The following SPAG9 variants were observed in gnomAD, a reference collection of about 807,000 sequenced individuals.
SPAG9 encodes the protein C-Jun-amino-terminal kinase-interacting protein 4.
SPAG9 carries 35 observed loss-of-function variants against 166.5 expected under a neutral mutation model. The observed-to-expected ratio is 0.21, with a 90% CI of 0.16 to 0.28. The LOEUF (loss-of-function observed/expected upper bound fraction) is 0.28, where lower values mean the gene tolerates loss of function less well. Among genes scored for constraint, SPAG9 ranks in the 10% least tolerant of loss-of-function variants. The pLI is 1.00. For missense variants in SPAG9, 1,235 were observed against 1,603.3 expected (o/e 0.77, Z 3.92); for synonymous variants, 534 against 565.5 (o/e 0.94, Z 0.79).
At chr17:50,994,424 A>G (rs1164126372) in intron 18 of SPAG9, among the ~76,000 whole-genome samples, 1 of 152,122 alleles carries the variant, frequency 6.6e-6, no homozygotes, top group African/African-American at 2.4e-5. Flanking sequence ...ATAGACTAAT[A>G]CAACCACCTA....
chr17:51,095,950 T>TATATAGTGATATAC (rs1220079016), intron 1 of SPAG9, among the ~76,000 whole-genome samples: 8 of 114,498 alleles, frequency 7.0e-5, no homozygotes, highest in African/African-American at 4.2e-4. Context: ...TATAGTTATA[T>TATATAGTGATATAC]ATATAGTGAT....
chr17:51,043,644 C>T (rs2144416840), intron 4 of SPAG9, among the ~76,000 whole-genome samples: 1 of 152,226 alleles, frequency 6.6e-6, no homozygotes, highest in East Asian at 1.9e-4. Context: ...CTAAGAGCTA[C>T]TAGCTGACTT....
At chr17:50,995,030 A>G in intron 18 of SPAG9, 27 bp downstream of exon 18, 1 of 1,570,696 alleles carries the variant, frequency 6.4e-7, no homozygotes, top group Admixed American at 1.8e-5. Context: ...CTCATAAACC[A>G]GGTCAAATGT....
At chr17:51,066,617 G>T (rs1422803198) in intron 2 of SPAG9, among the ~76,000 whole-genome samples, 3 of 149,298 alleles carry the variant, frequency 2.0e-5, no homozygotes, top group Non-Finnish European at 4.4e-5. Flanking sequence ...AGCACTTTGG[G>T]AGGCCAAGGT....
Position 51,037,617 on chromosome 17 carries a change from A to T in SPAG9, c.741+3884T>A, listed in dbSNP as rs1361827886. Among the ~76,000 whole-genome samples the T allele has an allele frequency of 1.2e-3, 151 of 124,110 alleles. 2 individuals are homozygous for T. Among genetic ancestry groups the T allele is most frequent in the Middle Eastern group, 4.1e-3 (1 of 244 alleles). 81.4% of individuals were successfully genotyped at this position (124,110 alleles called of 152,430 possible). On this transcript the variant is annotated intron_variant, in intron 5 of 29. Coordinates refer to ENST00000262013, the MANE Select transcript of SPAG9 (RefSeq NM_001130528.3). ...GACAAAGCTAGACTCCATCTCAAATAAAAAAAAAAAATTATATATATAAAT... is the reference window on the plus strand; with the variant it reads ...GACAAAGCTAGACTCCATCTCAAATTAAAAAAAAAAATTATATATATAAAT...
intron 12 of SPAG9, among the ~76,000 whole-genome samples, chr17:51,002,339 C>A (rs2044992282): frequency 6.6e-6 from 1 of 152,014 alleles, no homozygotes; most frequent in Non-Finnish European, 1.5e-5. Context: ...TAAATAATCA[C>A]TCATGACTAC....
At chr17:51,055,373 G>GCAA (rs1304819224) in intron 3 of SPAG9, among the ~76,000 whole-genome samples, 2 of 151,366 alleles carry the variant, frequency 1.3e-5, no homozygotes, top group Non-Finnish European at 2.9e-5. Context: ...ACACACACAA[G>GCAA]CAACAACAGA....
intron 2 of SPAG9, among the ~76,000 whole-genome samples, chr17:51,079,285 C>T (rs535114588): frequency 8.6e-4 from 131 of 151,588 alleles, no homozygotes; most frequent in Non-Finnish European, 1.5e-3. Context: ...GTTGCTCAAG[C>T]TGGAGTGCAG....
At position 51,050,022 on chromosome 17, in the gene SPAG9, T is replaced by C. The variant is rs75963518; in HGVS notation, c.496-2553A>G. The stretch of plus-strand genomic sequence containing the variant: ...AACAAACTCACCCCAGATTGCTGTA[T>C]AGTAATCTATGAACTCAATATAGAA... On this transcript the variant is annotated intron_variant, in intron 3 of 29. Coordinates refer to ENST00000262013, the MANE Select transcript of SPAG9 (RefSeq NM_001130528.3). 8.9e-3 allele frequency among the ~76,000 whole-genome samples: 1,349 copies of C among 152,338 alleles called. 16 individuals carry two copies. Among genetic ancestry groups the C allele is most frequent in the African/African-American group, 0.031 (1,307 of 41,576 alleles).
At chr17:51,085,991 G>C (rs897478059) in intron 1 of SPAG9, among the ~76,000 whole-genome samples, 12 of 110,136 alleles carry the variant, frequency 1.1e-4, no homozygotes, top group African/African-American at 4.4e-4. Context: ...TTTTGAGACA[G>C]AGAGTCTCAC....
intron 5 of SPAG9, among the ~76,000 whole-genome samples, chr17:51,039,448 A>T (rs2144375890): frequency 6.6e-6 from 1 of 152,324 alleles, no homozygotes; most frequent in African/African-American, 2.4e-5. Context: ...ATGATTTACA[A>T]ACTAGACTTT....
At chr17:51,042,220 C>A (rs2046865582) in intron 4 of SPAG9, among the ~76,000 whole-genome samples, 1 of 152,136 alleles carries the variant, frequency 6.6e-6, no homozygotes, top group South Asian at 2.1e-4. Context: ...TTCTACAGAA[C>A]CACTATATGA....
chr17:51,119,994 C>G (rs1047725370), intron 1 of SPAG9, among the ~76,000 whole-genome samples: 10 of 152,192 alleles, frequency 6.6e-5, no homozygotes, highest in Non-Finnish European at 1.5e-4. Flanking sequence ...AACTTTGAAC[C>G]GCCATCTGAC....
chr17:51,077,033 T>TCTAG lies in SPAG9; in HGVS notation c.424+2547_424+2550dup, dbSNP rs1159538758. 1.4e-4 allele frequency among the ~76,000 whole-genome samples: 13 copies of TCTAG among 94,536 alleles called. 1 individual carries two copies. Among genetic ancestry groups the TCTAG allele is most frequent in the East Asian group, 2.8e-4 (1 of 3,510 alleles). 62.0% of individuals were successfully genotyped at this position (94,536 alleles called of 152,430 possible). On this transcript the variant is annotated intron_variant, in intron 2 of 29. Transcript: ENST00000262013. ...AGCTAGCTAGCTATCTAGCTATCTA[T>TCTAG]CTAGCTATCTAGCTATCTAGCTAGC...
intron 2 of SPAG9, among the ~76,000 whole-genome samples, chr17:51,070,663 T>C (rs989991800): frequency 1.3e-5 from 2 of 152,264 alleles, no homozygotes; most frequent in Middle Eastern, 3.4e-3. Flanking sequence ...CAATAGAGCA[T>C]AATATATTAA....
At chr17:51,042,281 A>C (rs1301047559) in intron 4 of SPAG9, among the ~76,000 whole-genome samples, 1 of 152,228 alleles carries the variant, frequency 6.6e-6, no homozygotes, top group Non-Finnish European at 1.5e-5. Flanking sequence ...GTTTTTTCCA[A>C]ATAAGAAGGT....
At chr17:51,097,327 T>C (rs561962586) in intron 1 of SPAG9, among the ~76,000 whole-genome samples, 1 of 152,280 alleles carries the variant, frequency 6.6e-6, no homozygotes, top group East Asian at 1.9e-4. Context: ...AGGAGGGGGT[T>C]GTGGGAACCC....
Position 50,998,506 on chromosome 17 carries a change from T to G in SPAG9, c.1776A>C (p.Arg592Ser). Residue 592 changes from arginine to serine, a missense_variant, in exon 15 of 30, where the codon AGA (arginine) becomes AGC (serine). Around this residue, in one of 6 missense-constraint regions of SPAG9, gnomAD observed 493 missense variants for 559.4 expected, o/e 0.88. Transcript: ENST00000262013. ...CAGGGAGCTGAGATAAGGTGCTGCT[T>G]CTTTTCTTGACGGACGGAGTAACAT... is the stretch of plus-strand genomic sequence containing the variant. The part of the protein sequence containing the change: ...TSHVTPSVKK[R>S]SSTLSQLPGD... 2 of 1,614,192 alleles carry G rather than the reference T, an allele frequency of 1.2e-6. No individual in the cohort carries two copies. The highest frequency in any genetic ancestry group is 1.7e-6 in the Non-Finnish European group (2 of 1,180,016).
intron 6 of SPAG9, among the ~76,000 whole-genome samples, chr17:51,023,844 T>G (rs973108012): frequency 6.6e-6 from 1 of 152,182 alleles, no homozygotes; most frequent in Admixed American, 6.5e-5. Flanking sequence ...TTTTGTATTT[T>G]TGGTACAGAC....
Sources: gnomAD v4.1 joint callset for allele counts (sites outside exome capture counted in the v4.1 genomes callset) on GRCh38, gnomAD v4.1.1 for gene constraint, gnomAD v4.1.1 regional missense constraint, MANE v1.5 for transcripts, NCBI Gene and HGNC (gene_info 2026-07-23, HGNC 2026-07-21) for gene names.